Variants in RASA2 observed in about 807,000 individuals in gnomAD.
The protein encoded by RASA2 is ras GTPase-activating protein 2.
In RASA2, 155 loss-of-function variants were observed where a neutral mutation model predicts 118.2. The observed-to-expected ratio is 1.31, with a 90% CI of 1.15 to 1.50. The LOEUF (loss-of-function observed/expected upper bound fraction) is 1.50. RASA2 is among the 40% of genes most tolerant of loss of function. The pLI, the probability that RASA2 is intolerant of heterozygous loss-of-function variation, is 0.00. For missense variants in RASA2, 1,016 were observed against 1,009.6 expected (o/e 1.01, Z -0.09); for synonymous variants, 353 against 349.1 (o/e 1.01, Z -0.12).
intron 21 of RASA2, 89 bp downstream of exon 21, chr3:141,608,786 C>T (rs1229270622): frequency 1.5e-6 from 2 of 1,350,834 alleles, no homozygotes; most frequent in Admixed American, 4.1e-5. Flanking sequence ...AAAGGAATGA[C>T]ATACTGATCC....
At chr3:141,533,325 G>A (rs2082284742) in intron 4 of RASA2, among the ~76,000 whole-genome samples, 1 of 152,186 alleles carries the variant, frequency 6.6e-6, no homozygotes, top group African/African-American at 2.4e-5. Context: ...TTTGAGTAGA[G>A]GAAATGAATG....
chr3:141,592,584 A>G (rs73871839), intron 19 of RASA2, among the ~76,000 whole-genome samples: 1,888 of 152,336 alleles, frequency 0.012, 42 homozygotes, highest in African/African-American at 0.043. Flanking sequence ...TGAAGGGCAC[A>G]AGGAGAGCAG....
At chr3:141,490,535 C>G (rs1395415116) in intron 1 of RASA2, among the ~76,000 whole-genome samples, 1 of 152,064 alleles carries the variant, frequency 6.6e-6, no homozygotes, top group African/African-American at 2.4e-5. Context: ...GTGGGCTTAT[C>G]TACTCAAGGA....
At chr3:141,606,176 T>C (rs1168987232) in intron 19 of RASA2, among the ~76,000 whole-genome samples, 1 of 152,176 alleles carries the variant, frequency 6.6e-6, no homozygotes, top group Non-Finnish European at 1.5e-5. Context: ...TAACCACTCC[T>C]ACTTTTGCAG....
chr3:141,519,017 A>G (rs9865971), intron 3 of RASA2, among the ~76,000 whole-genome samples: 38,489 of 152,018 alleles, frequency 0.25, 5,477 homozygotes, highest in Non-Finnish European at 0.32. Context: ...GGCATCCTCA[A>G]TGGTGTTGCT....
At chr3:141,558,756 A>G (rs2082685870) in intron 7 of RASA2, 130 bp from the exon 8 acceptor site, 1 of 718,788 alleles carries the variant, frequency 1.4e-6, no homozygotes, top group Non-Finnish European at 2.4e-6. Flanking sequence ...TCAGCTATTG[A>G]GTAAAATATT....
chr3:141,611,260 C>G (rs951991334), intron 23 of RASA2, among the ~76,000 whole-genome samples: 5 of 152,200 alleles, frequency 3.3e-5, no homozygotes, highest in African/African-American at 1.2e-4. Context: ...TTCTCTCCTC[C>G]TCAAGCTTGT....
At chr3:141,571,647 T>C in intron 11 of RASA2, 93 bp downstream of exon 11, 2 of 1,271,362 alleles carry the variant, frequency 1.6e-6, no homozygotes, top group Non-Finnish European at 2.2e-6. Context: ...TTTTTTTGTA[T>C]TGATCAGCCT....
chr3:141,604,085 CATGGT>C (rs1390994709), intron 19 of RASA2, among the ~76,000 whole-genome samples: 4 of 152,182 alleles, frequency 2.6e-5, no homozygotes, highest in Non-Finnish European at 5.9e-5. Context: ...CTTCAGCTCT[CATGGT>C]ATATACGTAG....
intron 19 of RASA2, among the ~76,000 whole-genome samples, chr3:141,597,986 A>G (rs1371945207): frequency 2.6e-5 from 4 of 152,174 alleles, no homozygotes; most frequent in African/African-American, 9.7e-5. Flanking sequence ...TTCTTGGAAA[A>G]CAATTTACTA....
intron 17 of RASA2, among the ~76,000 whole-genome samples, chr3:141,584,869 A>G (rs2083174513): frequency 6.6e-6 from 1 of 151,842 alleles, no homozygotes; most frequent in East Asian, 1.9e-4. Flanking sequence ...ACTTTTATTC[A>G]TTCTCTCTCT....
intron 1 of RASA2, among the ~76,000 whole-genome samples, chr3:141,490,930 C>G (rs1032882123): frequency 1.3e-5 from 2 of 152,180 alleles, no homozygotes; most frequent in Middle Eastern, 3.2e-3. Context: ...CCTGCTCTTT[C>G]TCACTCCCCA....
At chr3:141,558,518 A>G (rs1329079264) in intron 7 of RASA2, among the ~76,000 whole-genome samples, 2 of 152,118 alleles carry the variant, frequency 1.3e-5, no homozygotes, top group Non-Finnish European at 2.9e-5. Context: ...TCTGTGAGGA[A>G]GCCAAGATTA....
At chr3:141,512,350 T>C in intron 2 of RASA2, 70 bp downstream of exon 2, 1 of 1,107,356 alleles carries the variant, frequency 9.0e-7, no homozygotes, top group South Asian at 1.4e-5. Flanking sequence ...ATTTTCCAGA[T>C]TATAATAATC....
At chr3:141,599,402 C>T (rs150954751) in intron 19 of RASA2, among the ~76,000 whole-genome samples, 1 of 152,262 alleles carries the variant, frequency 6.6e-6, no homozygotes, top group Non-Finnish European at 1.5e-5. Context: ...ACAAACAGGA[C>T]ACCCTCTCAC....
chr3:141,559,003 C>A, intron 8 of RASA2, 41 bp downstream of exon 8: 2 of 1,487,628 alleles, frequency 1.3e-6, no homozygotes, highest in Middle Eastern at 1.7e-4. Context: ...TTTTTGTATA[C>A]CAAAAGAAAA....
intron 3 of RASA2, among the ~76,000 whole-genome samples, chr3:141,520,214 T>C (rs1577675054): frequency 6.6e-6 from 1 of 152,020 alleles, no homozygotes; most frequent in African/African-American, 2.4e-5. Context: ...GGTTTCACCA[T>C]GTCAGCCAGG....
chr3:141,600,708 G>A (rs530031569), intron 19 of RASA2: 1 of 153,552 alleles, frequency 6.5e-6, no homozygotes, highest in South Asian at 2.1e-4. Context: ...TTTTAGATAA[G>A]TATTTTTTAA....
At chr3:141,583,587 T>G (rs960116121) in intron 17 of RASA2, among the ~76,000 whole-genome samples, 1 of 152,224 alleles carries the variant, frequency 6.6e-6, no homozygotes, top group Admixed American at 6.5e-5. Context: ...TCAGTTCCCT[T>G]GGATACTTGT....
Sources: gnomAD v4.1 joint callset for allele counts (sites outside exome capture counted in the v4.1 genomes callset) on GRCh38, gnomAD v4.1.1 for gene constraint, MANE v1.5 for transcripts, NCBI Gene and HGNC (gene_info 2026-07-23, HGNC 2026-07-21) for gene names.